Variants in B3GALT1 observed in about 807,000 individuals in gnomAD.
The protein encoded by B3GALT1 is UDP-Gal:betaGlcNAc beta 1,3-galactosyltransferase, polypeptide 1.
Under a neutral mutation model 23.2 loss-of-function variants are expected in B3GALT1, and 10 were observed. The observed-to-expected ratio is 0.43, with a 90% CI of 0.27 to 0.73. The LOEUF (loss-of-function observed/expected upper bound fraction) is 0.73. B3GALT1 is among the 30% of genes least tolerant of loss of function. The pLI is 0.21. For synonymous variants in B3GALT1, 156 were observed against 141.5 expected (o/e 1.10, Z -0.73); for missense variants, 299 against 405.4 (o/e 0.74, Z 2.25).
At chr2:167,367,038 C>T (rs1188761614) in intron 1 of B3GALT1, among the ~76,000 whole-genome samples, 1 of 152,170 alleles carries the variant, frequency 6.6e-6, no homozygotes, top group Non-Finnish European at 1.5e-5. Flanking sequence ...GAAGACTACA[C>T]AAGGGCATAA....
chr2:167,608,304 G>A (rs555518860), intron 2 of B3GALT1, among the ~76,000 whole-genome samples: 13 of 152,062 alleles, frequency 8.5e-5, no homozygotes, highest in East Asian at 1.9e-4. Flanking sequence ...TCTGTCCCAC[G>A]GGAGGCATTT....
intron 3 of B3GALT1, among the ~76,000 whole-genome samples, chr2:167,775,036 C>G (rs553840124): frequency 6.6e-6 from 1 of 152,134 alleles, no homozygotes; most frequent in African/African-American, 2.4e-5. Flanking sequence ...GTACATTTAA[C>G]CCCTTGGAAA....
At chr2:167,375,089 A>C (rs1697742403) in intron 1 of B3GALT1, among the ~76,000 whole-genome samples, 1 of 152,054 alleles carries the variant, frequency 6.6e-6, no homozygotes, top group Admixed American at 6.6e-5. Context: ...TATTGAATAG[A>C]GAATCCTTTC....
At position 167,394,965 on chromosome 2, in the gene B3GALT1, A is replaced by G. The variant is rs546548491; in HGVS notation, c.-510-95212A>G. ...ATTTATTTTCTAATTTCACAAGTTCATAAATGGAGGAAGAATTTTGCCCCT... is the reference window on the plus strand; with the variant it reads ...ATTTATTTTCTAATTTCACAAGTTCGTAAATGGAGGAAGAATTTTGCCCCT... On this transcript the variant is annotated intron_variant, in intron 1 of 4. Transcript: ENST00000392690. Among the ~76,000 whole-genome samples, 4 of 152,310 alleles carry G rather than the reference A, an allele frequency of 2.6e-5. No homozygotes were observed. In the South Asian group the frequency reaches 8.3e-4, roughly 32 times the overall value.
chr2:167,805,831 G>T (rs950792218), intron 3 of B3GALT1, among the ~76,000 whole-genome samples: 20 of 152,110 alleles, frequency 1.3e-4, no homozygotes, highest in African/African-American at 4.8e-4. Flanking sequence ...GGTTCCCTAT[G>T]AACTTTAAAG....
chr2:167,326,067 A>G (rs1339775939), intron 1 of B3GALT1, among the ~76,000 whole-genome samples: 31 of 140,264 alleles, frequency 2.2e-4, no homozygotes, highest in Middle Eastern at 3.6e-3. Context: ...TCCTTTTTCT[A>G]TACATGCTCA....
chr2:167,532,109 T>A (rs913994636), intron 2 of B3GALT1, among the ~76,000 whole-genome samples: 1 of 152,308 alleles, frequency 6.6e-6, no homozygotes, highest in South Asian at 2.1e-4. Flanking sequence ...ATAGCTGATG[T>A]TGAACATTTT....
chr2:167,852,467 GGTGTGTGTGTGTGTGTGT>G (rs66820655), intron 4 of B3GALT1, among the ~76,000 whole-genome samples: 6 of 146,578 alleles, frequency 4.1e-5, no homozygotes, highest in East Asian at 2.0e-4. Flanking sequence ...TATTCGTGAT[GGTGTGTGTGTGTGTGTGT>G]GTGTGTGTGT....
chr2:167,708,690 C>T (rs1687005417), intron 3 of B3GALT1, among the ~76,000 whole-genome samples: 1 of 152,026 alleles, frequency 6.6e-6, no homozygotes, highest in South Asian at 2.1e-4. Flanking sequence ...ATGGTATCAT[C>T]CTATCACTTC....
intron 2 of B3GALT1, among the ~76,000 whole-genome samples, chr2:167,557,018 T>C (rs16853754): frequency 0.011 from 1,739 of 152,296 alleles, 29 homozygotes; most frequent in African/African-American, 0.04. Flanking sequence ...TTCTAAAAAC[T>C]TGTGTCTTAA....
rs11890078 is a variant in B3GALT1, at chr2:167,841,809, A to G, written c.-230+23016A>G. 2.4e-3 allele frequency among the ~76,000 whole-genome samples: 363 copies of G among 152,358 alleles called. 3 individuals carry two copies. Among genetic ancestry groups the G allele is most frequent in the African/African-American group, 8.3e-3 (346 of 41,582 alleles). ...GCTTTTCAGATTCTATATTTGCCAA[A>G]TGAATATTTCAGGGAAAGGGGAAAA... is the stretch of plus-strand genomic sequence containing the variant. On this transcript the variant is annotated intron_variant, in intron 4 of 4. Transcript: ENST00000392690.
At chr2:167,668,113 C>A (rs1242647936) in intron 3 of B3GALT1, among the ~76,000 whole-genome samples, 2 of 152,168 alleles carry the variant, frequency 1.3e-5, no homozygotes, top group African/African-American at 4.8e-5. Flanking sequence ...TGGTGATGTA[C>A]AGATGGGTTT....
At chr2:167,867,141 TG>T (rs1452454792) in intron 4 of B3GALT1, among the ~76,000 whole-genome samples, 8 of 152,278 alleles carry the variant, frequency 5.3e-5, no homozygotes, top group African/African-American at 1.7e-4. Flanking sequence ...TTAGCCAGGA[TG>T]GTCTCGATCT....
chr2:167,860,872 T>C (rs1276171818), intron 4 of B3GALT1, among the ~76,000 whole-genome samples: 2 of 152,130 alleles, frequency 1.3e-5, no homozygotes, highest in Admixed American at 1.3e-4. Flanking sequence ...CTTTTCTTTT[T>C]TTTTTTTTCA....
At chr2:167,452,563 C>T (rs1302134509) in intron 1 of B3GALT1, among the ~76,000 whole-genome samples, 3 of 152,158 alleles carry the variant, frequency 2.0e-5, no homozygotes, top group African/African-American at 7.2e-5. Flanking sequence ...TCTCCCAGGG[C>T]CTGCAGGAGC....
intron 2 of B3GALT1, among the ~76,000 whole-genome samples, chr2:167,621,627 T>G (rs1192811050): frequency 6.6e-6 from 1 of 152,092 alleles, no homozygotes; most frequent in Non-Finnish European, 1.5e-5. Flanking sequence ...AAATCTCATC[T>G]TGAATTGTAG....
chr2:167,372,152 G>T (rs1332893427), intron 1 of B3GALT1, among the ~76,000 whole-genome samples: 1 of 151,818 alleles, frequency 6.6e-6, no homozygotes, highest in Non-Finnish European at 1.5e-5. Context: ...ATGGTTATGT[G>T]GGATTTAGCC....
chr2:167,512,672 AGTTGCCCAG>A (rs1700043434), intron 2 of B3GALT1, among the ~76,000 whole-genome samples: 1 of 143,364 alleles, frequency 7.0e-6, no homozygotes, highest in Admixed American at 7.2e-5. Context: ...GGTCTCATTC[AGTTGCCCAG>A]GTTGGAGTGC....
chr2:167,740,532 A>C (rs1217620064), intron 3 of B3GALT1, among the ~76,000 whole-genome samples: 1 of 152,202 alleles, frequency 6.6e-6, no homozygotes, highest in Admixed American at 6.5e-5. Context: ...TTATAGGATG[A>C]TAATAAATAA....
Sources: gnomAD v4.1 joint callset for allele counts (sites outside exome capture counted in the v4.1 genomes callset) on GRCh38, gnomAD v4.1.1 for gene constraint, MANE v1.5 for transcripts, NCBI Gene and HGNC (gene_info 2026-07-23, HGNC 2026-07-21) for gene names.